ZNF480: variants seen among roughly 807,000 people sequenced by gnomAD.
ZNF480 encodes zinc finger protein 480.
ZNF480 carries 15 observed loss-of-function variants against 14.4 expected under a neutral mutation model. That is an observed-to-expected ratio of 1.04 (90% CI 0.70 to 1.60). ZNF480 has a LOEUF of 1.60. Ranked by LOEUF, ZNF480 falls within the 40% of genes most tolerant of loss-of-function variation. The pLI is 0.00. For synonymous variants in ZNF480, 218 were observed against 215.5 expected (o/e 1.01, Z -0.10); for missense variants, 593 against 629.7 (o/e 0.94, Z 0.62).
Position 52,322,898 on chromosome 19 carries a change from G to A in ZNF480, c.*40G>A, listed in dbSNP as rs1983916301. ...ACAAATGCGTCAAAGAATTTAGTGT[G>A]CACTCAAGCCTTACTACCCATCTTT... On this transcript the variant is annotated 3_prime_UTR_variant, in exon 5 of 5. Transcript: ENST00000595962. 6.6e-7 allele frequency: 1 copy of A among 1,516,678 alleles called. No homozygotes were observed. Among genetic ancestry groups the A allele is most frequent in the Middle Eastern group, 1.8e-4 (1 of 5,646 alleles). 94.0% of individuals were successfully genotyped at this position (1,516,678 alleles called of 1,614,324 possible). A position where few individuals can be genotyped will look rare whatever the true frequency, so the allele number is the denominator to read the frequency against.
chr19:52,305,099 A>AAAAAAAC (rs1241259882), intron 2 of ZNF480, among the ~76,000 whole-genome samples: 2 of 152,098 alleles, frequency 1.3e-5, no homozygotes, highest in African/African-American at 2.4e-5. Flanking sequence ...ACTCTGTCTC[A>AAAAAAAC]AAAAAACAAA....
chr19:52,309,816 T>TGG (rs1222788013), intron 2 of ZNF480, among the ~76,000 whole-genome samples: 60 of 152,142 alleles, frequency 3.9e-4, no homozygotes, highest in Non-Finnish European at 7.8e-4. Flanking sequence ...TGTGTCCACA[T>TGG]GGATTCAAAA....
At chr19:52,311,935 A>G (rs1056177985) in intron 2 of ZNF480, among the ~76,000 whole-genome samples, 3 of 152,200 alleles carry the variant, frequency 2.0e-5, no homozygotes, top group Non-Finnish European at 2.9e-5. Context: ...GTGTACATAT[A>G]TATAAGTGTG....
intron 2 of ZNF480, 151 bp from the exon 3 acceptor site, chr19:52,314,002 T>TA (rs1233844612): frequency 3.5e-6 from 3 of 866,642 alleles, no homozygotes; most frequent in African/African-American, 3.5e-5. Flanking sequence ...AAAACACATT[T>TA]ACAGACACAT....
chr19:52,316,352 A>C (rs909464228), intron 4 of ZNF480, among the ~76,000 whole-genome samples: 3 of 151,910 alleles, frequency 2.0e-5, no homozygotes, highest in African/African-American at 7.3e-5. Context: ...TCAGCCTTCC[A>C]GGTATCTATG....
At chr19:52,316,928 AGTTT>A (rs1382427053) in intron 4 of ZNF480, among the ~76,000 whole-genome samples, 3 of 152,214 alleles carry the variant, frequency 2.0e-5, no homozygotes, top group Middle Eastern at 3.2e-3. Flanking sequence ...TCTGTACCAC[AGTTT>A]GTTTAACTAT....
At chr19:52,313,518 T>C (rs1263637488) in intron 2 of ZNF480, among the ~76,000 whole-genome samples, 1 of 152,018 alleles carries the variant, frequency 6.6e-6, no homozygotes, top group Non-Finnish European at 1.5e-5. Flanking sequence ...GGTGGTGATA[T>C]TGGTAGGTAT....
intron 4 of ZNF480, among the ~76,000 whole-genome samples, 189 bp from the exon 5 acceptor site, chr19:52,321,390 C>T (rs1983800861): frequency 6.6e-6 from 1 of 152,176 alleles, no homozygotes; most frequent in East Asian, 1.9e-4. Flanking sequence ...CTGACTCCTA[C>T]AGATTTCCCA....
In ZNF480 at chr19:52,321,934, G is replaced by C. The variant is rs1983838396; in HGVS notation, c.684G>C (p.Glu228Asp). The C allele has an allele frequency of 1.2e-6, 2 of 1,613,994 alleles. No individual in the cohort carries two copies. Among genetic ancestry groups the C allele is most frequent in the South Asian group, 2.2e-5 (2 of 91,082 alleles). Reference sequence around the variant, plus strand: ...AACATCAAGTAATCCATACTGTAGAGAAACCTTACAAATGTAATTCATGCG... The same window carrying C: ...AACATCAAGTAATCCATACTGTAGACAAACCTTACAAATGTAATTCATGCG... ...LTKHQVIHTVEKPYKCNSCGK... is the reference protein window; with the variant it reads ...LTKHQVIHTVDKPYKCNSCGK... The change falls in exon 5 of 5, where the codon GAG becomes GAC. Residue 228 changes from glutamate (E) to aspartate (D), a missense_variant. Glu to Asp is a conservative substitution (Grantham distance 45, BLOSUM62 2). Coordinates refer to ENST00000595962, the MANE Select transcript of ZNF480 (RefSeq NM_144684.4).
In ZNF480 at chr19:52,311,950, G is replaced by A. The variant is rs117045216; in HGVS notation, c.73-2203G>A. 6.2e-3 allele frequency among the ~76,000 whole-genome samples: 937 copies of A among 152,196 alleles called. 4 individuals are homozygous for A. Among genetic ancestry groups the A allele is most frequent in the South Asian group, 0.011 (55 of 4,818 alleles). Reference sequence around the variant, plus strand: ...GTGTACATATATATAAGTGTGGACCGTGATGCGTGTTCATGACTGCACAGA... The same window carrying A: ...GTGTACATATATATAAGTGTGGACCATGATGCGTGTTCATGACTGCACAGA... On this transcript the variant is annotated intron_variant, in intron 2 of 4. Coordinates refer to ENST00000595962, the MANE Select transcript of ZNF480 (RefSeq NM_144684.4).
Position 52,322,502 on chromosome 19 carries a change from C to A in ZNF480, c.1252C>A (p.Arg418=), listed in dbSNP as rs775486074. 1.3e-5 allele frequency: 21 copies of A among 1,613,634 alleles called. No individual in the cohort carries two copies. The highest frequency in any genetic ancestry group is 1.8e-5 in the Non-Finnish European group (21 of 1,179,848). Reference sequence around the variant, plus strand: ...TCAACTTTCAAATCTTGCACGACATCGAAGAATTCATACTGGAGAGAAGCC... The same window carrying A: ...TCAACTTTCAAATCTTGCACGACATAGAAGAATTCATACTGGAGAGAAGCC... ...FNQLSNLARH[R]RIHTGEKPYK... is the part of the protein sequence containing the mutation. The change falls in exon 5 of 5, where the codon CGA becomes AGA. Residue 418 remains arginine (R), a synonymous_variant. Coordinates refer to ENST00000595962, the MANE Select transcript of ZNF480 (RefSeq NM_144684.4).
chr19:52,323,302 A>T lies in ZNF480; in HGVS notation c.*444A>T, dbSNP rs1983935836. 1 of 153,028 alleles carries T rather than the reference A, an allele frequency of 6.5e-6. No homozygotes were observed. The highest frequency in any genetic ancestry group is 1.5e-5 in the Non-Finnish European group (1 of 68,758). 9.5% of individuals were successfully genotyped at this position (153,028 alleles called of 1,614,324 possible). ...GACCAATAATGAGTTCCAAAATTTA[A>T]TCACTAATTAAAAATCTATCAAACA... is the stretch of plus-strand genomic sequence containing the variant. On this transcript the variant is annotated 3_prime_UTR_variant, in exon 5 of 5. Transcript: ENST00000595962.
At chr19:52,310,521 T>C (rs1222532866) in intron 2 of ZNF480, among the ~76,000 whole-genome samples, 1 of 152,134 alleles carries the variant, frequency 6.6e-6, no homozygotes, top group African/African-American at 2.4e-5. Flanking sequence ...CCAGGCATCC[T>C]GTGCAGTGGT....
chr19:52,306,973 C>T (rs1368669438), intron 2 of ZNF480, among the ~76,000 whole-genome samples: 2 of 151,610 alleles, frequency 1.3e-5, no homozygotes, highest in East Asian at 3.9e-4. Context: ...CAAACCTCTC[C>T]CTCCTTTGCT....
Position 52,322,500 on chromosome 19 carries a change from A to G in ZNF480, c.1250A>G (p.His417Arg). Reference protein sequence around the residue: ...VFNQLSNLARHRRIHTGEKPY... With the variant: ...VFNQLSNLARRRRIHTGEKPY... The stretch of plus-strand genomic sequence containing the variant: ...AATCAACTTTCAAATCTTGCACGAC[A>G]TCGAAGAATTCATACTGGAGAGAAG... Residue 417 changes from histidine (H) to arginine (R), a missense_variant, in exon 5 of 5, where the codon CAT (histidine) becomes CGT (arginine). Physicochemically the swap from His to Arg is conservative, Grantham distance 29. Coordinates refer to ENST00000595962, the MANE Select transcript of ZNF480 (RefSeq NM_144684.4). The G allele has an allele frequency of 6.2e-7, 1 of 1,614,128 alleles. No individual in the cohort carries two copies. The highest frequency in any genetic ancestry group is 8.5e-7 in the Non-Finnish European group (1 of 1,179,964).
At position 52,321,995 on chromosome 19, in the gene ZNF480, C is replaced by T; in HGVS notation, c.745C>T (p.His249Tyr). Reference protein sequence around the residue: ...VFSRNSHLAEHCRIHTGEKPY... With the variant: ...VFSRNSHLAEYCRIHTGEKPY... The stretch of plus-strand genomic sequence containing the variant: ...TAGTCGCAATTCACACCTTGCAGAA[C>T]ATTGTAGAATTCATACTGGAGAGAA... The change falls in exon 5 of 5, where the codon CAT becomes TAT. Residue 249 changes from histidine to tyrosine, a missense_variant. By Grantham distance (83) the His-to-Tyr change is moderately conservative. Coordinates refer to ENST00000595962, the MANE Select transcript of ZNF480 (RefSeq NM_144684.4). The T allele has an allele frequency of 6.2e-7, 1 of 1,612,386 alleles. No homozygotes were observed. The highest frequency in any genetic ancestry group is 1.1e-5 in the South Asian group (1 of 90,982).
chr19:52,298,404 G>A (rs1415364686), intron 1 of ZNF480, among the ~76,000 whole-genome samples: 2 of 152,176 alleles, frequency 1.3e-5, no homozygotes, highest in Non-Finnish European at 2.9e-5. Context: ...AGGCCAAGGT[G>A]GGTGGATCAC....
rs766693136 is a variant in ZNF480, at chr19:52,322,874, C to G, written c.*16C>G. The stretch of plus-strand genomic sequence containing the variant: ...TATGGGATAGAAACTACAAATGCAA[C>G]AAATGCGTCAAAGAATTTAGTGTGC... On this transcript the variant is annotated 3_prime_UTR_variant, in exon 5 of 5. Transcript: ENST00000595962. The G allele has an allele frequency of 3.3e-6, 5 of 1,537,620 alleles. No homozygotes were observed. The highest frequency in any genetic ancestry group is 4.5e-5 in the East Asian group (2 of 44,120).
chr19:52,314,785 C>A (rs1983471273), intron 3 of ZNF480, among the ~76,000 whole-genome samples: 1 of 151,496 alleles, frequency 6.6e-6, no homozygotes, highest in African/African-American at 2.4e-5. Flanking sequence ...GCCTGGGTAA[C>A]AAGAGTGAAA....
Sources: allele counts gnomAD v4.1 joint callset (sites outside exome capture counted in the v4.1 genomes callset), GRCh38; gene constraint gnomAD v4.1.1; transcripts MANE v1.5; gene names NCBI Gene and HGNC (gene_info 2026-07-23, HGNC 2026-07-21).